JADE1: variants seen among roughly 807,000 people sequenced by gnomAD.
The protein encoded by JADE1 is jade family PHD finger 1.
In JADE1, 14 loss-of-function variants were observed where a neutral mutation model predicts 81.8. The observed-to-expected ratio is 0.17, with a 90% CI of 0.11 to 0.27. The LOEUF (loss-of-function observed/expected upper bound fraction) is 0.27. Ranked by LOEUF, JADE1 falls within the 10% of genes least tolerant of loss-of-function variation. The pLI is 1.00. For missense variants in JADE1, 690 were observed against 1,047.9 expected, an observed-to-expected ratio of 0.66 and a Z score of 4.71; for synonymous variants, 353 against 391.9, an observed-to-expected ratio of 0.90 and a Z score of 1.17.
chr4:128,837,895 G>A (rs1225932170), intron 2 of JADE1, among the ~76,000 whole-genome samples: 1 of 152,210 alleles, frequency 6.6e-6, no homozygotes, highest in African/African-American at 2.4e-5. Context: ...CAGCAAACAC[G>A]AAGACTGCCA....
At chr4:128,842,768 A>C (rs1246989448) in intron 2 of JADE1, among the ~76,000 whole-genome samples, 185 bp from the exon 3 acceptor site, 1 of 152,172 alleles carries the variant, frequency 6.6e-6, no homozygotes. Context: ...CCTGCTTATG[A>C]GAGGTGAGAG....
In JADE1 at chr4:128,873,998, A is replaced by C. The variant is rs1256591338; in HGVS notation, c.*1736A>C. ...ACTTTTCAAGGACATTTTAGTAGCT[A>C]ATTCAGGGGAGGGGGAAGAATGATG... On this transcript the variant is annotated 3_prime_UTR_variant, in exon 11 of 11. Transcript: ENST00000226319. 6.6e-6 allele frequency: 1 copy of C among 152,626 alleles called. No individual in the cohort carries two copies. The highest frequency in any genetic ancestry group is 1.5e-5 in the Non-Finnish European group (1 of 68,026). 9.5% of individuals were successfully genotyped at this position (152,626 alleles called of 1,614,324 possible). A position where few individuals can be genotyped will look rare whatever the true frequency, so the allele number is the denominator to read the frequency against.
intron 1 of JADE1, among the ~76,000 whole-genome samples, chr4:128,814,554 G>T (rs1327327115): frequency 6.6e-6 from 1 of 150,688 alleles, no homozygotes; most frequent in African/African-American, 2.4e-5. Flanking sequence ...TATACCATCT[G>T]TAAGGATTTT....
Position 128,842,947 on chromosome 4 carries a change from C to A in JADE1, c.53-6C>A, listed in dbSNP as rs377752146. 14 of 1,612,762 alleles carry A rather than the reference C, an allele frequency of 8.7e-6. No individual in the cohort carries two copies. The African/African-American group carries it at 1.9e-4, about 22-fold the overall frequency. On this transcript the variant is annotated splice_polypyrimidine_tract_variant and splice_region_variant and intron_variant, in intron 2 of 10. Coordinates refer to ENST00000226319, the MANE Select transcript of JADE1 (RefSeq NM_199320.4). Reference sequence around the variant, plus strand: ...ATGGTTCTTATTTGGATATTTGTTTCTTTAGGCCTGTCAACTACTTGGTCC... The same window carrying A: ...ATGGTTCTTATTTGGATATTTGTTTATTTAGGCCTGTCAACTACTTGGTCC...
intron 1 of JADE1, among the ~76,000 whole-genome samples, chr4:128,819,715 A>G (rs1727383828): frequency 6.6e-6 from 1 of 152,196 alleles, no homozygotes; most frequent in African/African-American, 2.4e-5. Context: ...CTTGCCATGA[A>G]TCTGTGTTTC....
At chr4:128,858,443 A>G (rs984021798) in intron 8 of JADE1, among the ~76,000 whole-genome samples, 13 of 151,978 alleles carry the variant, frequency 8.6e-5, no homozygotes, top group Admixed American at 2.0e-4. Context: ...GAGCAGAGGC[A>G]CTGTTTTGGG....
At chr4:128,820,346 A>C (rs961747983) in intron 1 of JADE1, among the ~76,000 whole-genome samples, 3 of 152,090 alleles carry the variant, frequency 2.0e-5, no homozygotes, top group Non-Finnish European at 4.4e-5. Context: ...TCCTGACCTC[A>C]AGTGATCCAC....
chr4:128,855,743 C>T lies in JADE1; in HGVS notation c.810C>T (p.Pro270=). The T allele has an allele frequency of 6.2e-7, 1 of 1,614,100 alleles. No individual in the cohort carries two copies. The highest frequency in any genetic ancestry group is 8.5e-7 in the Non-Finnish European group (1 of 1,179,968). Residue 270 remains proline, a synonymous_variant, in exon 7 of 11, where the codon CCC becomes CCT. Coordinates refer to ENST00000226319, the MANE Select transcript of JADE1 (RefSeq NM_199320.4). ...CGAAGAAGGGTGGAGCTATGAAGCC[C>T]ACCCGTAGCGGAACCAAGTGGGTCC... is the stretch of plus-strand genomic sequence containing the variant. ...LCPKKGGAMK[P]TRSGTKWVHV...
Position 128,846,491 on chromosome 4 carries a change from G to A in JADE1, c.255G>A (p.Gln85=), listed in dbSNP as rs1729883142. 1 of 1,614,098 alleles carries A rather than the reference G, an allele frequency of 6.2e-7. No individual in the cohort carries two copies. Among genetic ancestry groups the A allele is most frequent in the African/African-American group, 1.3e-5 (1 of 74,934 alleles). ...GACAGGAATGGGAGAAAGGGGTCCA[G>A]GTGCCTGTGAGCCCGGGGACCATCC... is the stretch of plus-strand genomic sequence containing the variant. The part of the protein sequence containing the change: ...PWRQEWEKGV[Q]VPVSPGTIPQ... The change falls in exon 4 of 11, where the codon CAG becomes CAA. Residue 85 remains glutamine (Q), a synonymous_variant. Transcript: ENST00000226319. This position sits in a 1 kb window ranked among gnomAD's most constrained non-coding sequence, Gnocchi z 4.0.
rs370440171 is a variant in JADE1, at chr4:128,842,925, G to C, written c.53-28G>C. ...TCAGTGACCCCTGCAATTTCTAATGGTTCTTATTTGGATATTTGTTTCTTT... is the reference window on the plus strand; with the variant it reads ...TCAGTGACCCCTGCAATTTCTAATGCTTCTTATTTGGATATTTGTTTCTTT... On this transcript the variant is annotated intron_variant, in intron 2 of 10. Coordinates refer to ENST00000226319, the MANE Select transcript of JADE1 (RefSeq NM_199320.4). 1.5e-5 allele frequency: 24 copies of C among 1,600,680 alleles called. No homozygotes were observed. The African/African-American group carries it at 1.7e-4, about 12-fold the overall frequency.
chr4:128,870,953 G>A (rs1732147102), intron 10 of JADE1, among the ~76,000 whole-genome samples: 1 of 152,168 alleles, frequency 6.6e-6, no homozygotes, highest in Non-Finnish European at 1.5e-5. Context: ...TCGTACGGGA[G>A]GCAGAAGACT....
intron 2 of JADE1, among the ~76,000 whole-genome samples, chr4:128,839,523 C>T (rs992025995): frequency 6.6e-6 from 1 of 152,170 alleles, no homozygotes; most frequent in Non-Finnish European, 1.5e-5. Context: ...CATGTTTATA[C>T]CCATGAAATC....
intron 8 of JADE1, 60 bp from the exon 9 acceptor site, chr4:128,861,644 C>T (rs1579228569): frequency 6.4e-7 from 1 of 1,564,218 alleles, no homozygotes; most frequent in East Asian, 2.2e-5. Flanking sequence ...GCACTGCAGG[C>T]CTTCTGCCAT....
In JADE1 at chr4:128,812,598, G is replaced by A. The variant is rs1019327473; in HGVS notation, c.-27+2721G>A. Among the ~76,000 whole-genome samples, 174 of 152,290 alleles carry A rather than the reference G, an allele frequency of 1.1e-3. 1 individual carries two copies. Among genetic ancestry groups the A allele is most frequent in the East Asian group, 3.1e-3 (16 of 5,166 alleles). ...ATTCCTCCCGCGCCAGGCTCCGCTGGCCCCAGGTTTCCCACCCCAAGCGGG... is the reference window on the plus strand; with the variant it reads ...ATTCCTCCCGCGCCAGGCTCCGCTGACCCCAGGTTTCCCACCCCAAGCGGG... On this transcript the variant is annotated intron_variant, in intron 1 of 10. Transcript: ENST00000226319.
At chr4:128,811,962 C>T (rs1726450770) in intron 1 of JADE1, 1 of 151,968 alleles carries the variant, frequency 6.6e-6, no homozygotes. Context: ...GGCGCGCCCG[C>T]CCCAGCCCGA....
chr4:128,832,134 G>C (rs1246335264), intron 2 of JADE1, among the ~76,000 whole-genome samples: 1 of 152,186 alleles, frequency 6.6e-6, no homozygotes, highest in East Asian at 1.9e-4. Context: ...TATGAAAGGG[G>C]AACTTAATCA....
chr4:128,855,620 GGCATC>G lies in JADE1; in HGVS notation c.697-9_697-5del. ...TCTCTATTCCTCTGGGATGTGCCGT[GGCATC>G]ACAGGCCTGTTATGGAATCCTCAAG... On this transcript the variant is annotated splice_region_variant and splice_polypyrimidine_tract_variant and intron_variant, in intron 6 of 10. Coordinates refer to ENST00000226319, the MANE Select transcript of JADE1 (RefSeq NM_199320.4). 6.2e-7 allele frequency: 1 copy of G among 1,601,416 alleles called. No individual in the cohort carries two copies.
intron 1 of JADE1, among the ~76,000 whole-genome samples, chr4:128,815,113 G>T (rs183274245): frequency 0.075 from 3,569 of 47,724 alleles, 83 homozygotes; most frequent in Non-Finnish European, 0.13. Context: ...GCAGGGGTGC[G>T]ATCTCGGCTC....
chr4:128,830,283 G>T (rs542220544), intron 1 of JADE1, among the ~76,000 whole-genome samples: 96 of 151,710 alleles, frequency 6.3e-4, no homozygotes, highest in African/African-American at 2.3e-3. Flanking sequence ...GCCCAGGCTG[G>T]AGTGCAGTGG....
Sources: allele counts gnomAD v4.1 joint callset (sites outside exome capture counted in the v4.1 genomes callset), GRCh38; gene constraint gnomAD v4.1.1; non-coding constraint Gnocchi (gnomAD v3.1); transcripts MANE v1.5; gene names NCBI Gene and HGNC (gene_info 2026-07-23, HGNC 2026-07-21).